The following XRCC4 variants were observed in gnomAD, a reference collection of about 807,000 sequenced individuals.
The protein encoded by XRCC4 is DNA repair protein XRCC4.
In XRCC4, 28 loss-of-function variants were observed where a neutral mutation model predicts 39.1. The ratio of observed to expected loss-of-function variants is 0.72; its 90% CI spans 0.53 to 0.98. The LOEUF is 0.98. Among genes scored for constraint, XRCC4 ranks in the 50% least tolerant of loss-of-function variants. The pLI is 0.00. For missense variants in XRCC4, 350 were observed against 376.4 expected, an observed-to-expected ratio of 0.93 and a Z score of 0.58; for synonymous variants, 123 against 126.4, an observed-to-expected ratio of 0.97 and a Z score of 0.18.
chr5:83,171,380 A>C (rs531389683), intron 3 of XRCC4, among the ~76,000 whole-genome samples: 44 of 152,230 alleles, frequency 2.9e-4, no homozygotes, highest in African/African-American at 1.1e-3. Context: ...TGTTGTCCTT[A>C]TCAGAGGACA....
At chr5:83,171,899 T>C (rs920528562) in intron 3 of XRCC4, among the ~76,000 whole-genome samples, 5 of 152,206 alleles carry the variant, frequency 3.3e-5, no homozygotes, top group Non-Finnish European at 7.4e-5. Flanking sequence ...ATACTATTGA[T>C]TTGAATAGTA....
At chr5:83,158,276 T>G (rs1248519283) in intron 3 of XRCC4, among the ~76,000 whole-genome samples, 2 of 152,106 alleles carry the variant, frequency 1.3e-5, no homozygotes, top group African/African-American at 4.8e-5. Flanking sequence ...CTAATAGTTA[T>G]TTTTCCATTT....
chr5:83,331,706 A>T lies in XRCC4; in HGVS notation c.894-21425A>T, dbSNP rs796418825. Among the ~76,000 whole-genome samples, 3 of 152,114 alleles carry T rather than the reference A, an allele frequency of 2.0e-5. No individual in the cohort carries two copies. The South Asian group carries it at 6.2e-4, about 32-fold the overall frequency. ...AAGTTGTGTGGTCACTAAACATTTT[A>T]TTTCCTGTTGAAATAAAATTCTTTG... is the stretch of plus-strand genomic sequence containing the variant. On this transcript the variant is annotated intron_variant, in intron 7 of 7. Transcript: ENST00000396027.
At chr5:83,364,375 T>G in the XRCC4 span, among the ~76,000 whole-genome samples, 8 of 152,110 alleles carry the variant, frequency 5.3e-5, no homozygotes, top group African/African-American at 1.9e-4. Flanking sequence ...GAAAAATGAA[T>G]GAGGAGATAC....
chr5:83,338,977 G>A (rs1756673524), intron 7 of XRCC4, among the ~76,000 whole-genome samples: 1 of 151,940 alleles, frequency 6.6e-6, no homozygotes, highest in Non-Finnish European at 1.5e-5. Context: ...GACTTTTCCA[G>A]GGCAAAAAAA....
the XRCC4 span, among the ~76,000 whole-genome samples, chr5:83,371,171 A>G: frequency 6.6e-6 from 1 of 152,068 alleles, no homozygotes; most frequent in African/African-American, 2.4e-5. Flanking sequence ...AGCTCCCTTC[A>G]TCCTCTGGCT....
At chr5:83,253,052 G>A (rs1479098539) in intron 6 of XRCC4, among the ~76,000 whole-genome samples, 1 of 152,168 alleles carries the variant, frequency 6.6e-6, no homozygotes, top group Non-Finnish European at 1.5e-5. Flanking sequence ...AAAGATTTCT[G>A]TGGATTGGGA....
intron 1 of XRCC4, among the ~76,000 whole-genome samples, chr5:83,080,929 A>G (rs1580188568): frequency 1.3e-5 from 2 of 152,228 alleles, no homozygotes; most frequent in South Asian, 4.1e-4. Flanking sequence ...TATCTGTAAA[A>G]TTGTGAATAA....
chr5:83,371,861 A>C, the XRCC4 span, among the ~76,000 whole-genome samples: 1 of 152,218 alleles, frequency 6.6e-6, no homozygotes, highest in Admixed American at 6.5e-5. Context: ...CACACACAAA[A>C]AAGGAAAACA....
At chr5:83,330,686 T>C (rs540219267) in intron 7 of XRCC4, among the ~76,000 whole-genome samples, 2 of 152,024 alleles carry the variant, frequency 1.3e-5, no homozygotes, top group South Asian at 4.1e-4. Context: ...TATACTATTA[T>C]GCCCTATAAC....
intron 3 of XRCC4, among the ~76,000 whole-genome samples, chr5:83,123,703 T>A (rs1216126929): frequency 2.6e-5 from 4 of 152,088 alleles, no homozygotes; most frequent in Non-Finnish European, 5.9e-5. Flanking sequence ...TTTATGCTAT[T>A]TTTATGTTTG....
At chr5:83,224,753 T>C (rs1466293000) in intron 6 of XRCC4, among the ~76,000 whole-genome samples, 1 of 152,196 alleles carries the variant, frequency 6.6e-6, no homozygotes, top group Admixed American at 6.5e-5. Flanking sequence ...CTCTTCATTG[T>C]TGAATTCCTC....
chr5:83,165,888 T>C (rs952370842), intron 3 of XRCC4, among the ~76,000 whole-genome samples: 1 of 29,152 alleles, frequency 3.4e-5, no homozygotes, highest in Non-Finnish European at 8.2e-5. Context: ...TTTTTCTTTC[T>C]TTTTTTTTTT....
chr5:83,149,191 T>C (rs2112546898), intron 3 of XRCC4, among the ~76,000 whole-genome samples: 1 of 152,334 alleles, frequency 6.6e-6, no homozygotes, highest in African/African-American at 2.4e-5. Flanking sequence ...CTGATGATTC[T>C]TTTTGTTGGA....
At chr5:83,193,709 T>G (rs1750812195) in intron 3 of XRCC4, among the ~76,000 whole-genome samples, 1 of 152,028 alleles carries the variant, frequency 6.6e-6, no homozygotes, top group African/African-American at 2.4e-5. Context: ...ATTTTGAAAC[T>G]TTTCAAATGT....
intron 7 of XRCC4, among the ~76,000 whole-genome samples, chr5:83,342,838 G>A (rs1369663111): frequency 2.0e-5 from 3 of 152,012 alleles, no homozygotes; most frequent in African/African-American, 7.2e-5. Context: ...AAATACAGTG[G>A]TAACTTTGGT....
At chr5:83,125,560 T>A (rs1257445317) in intron 3 of XRCC4, among the ~76,000 whole-genome samples, 2 of 152,218 alleles carry the variant, frequency 1.3e-5, no homozygotes, top group African/African-American at 4.8e-5. Context: ...TGCTTTTGCA[T>A]CTTCGTTAAA....
intron 7 of XRCC4, among the ~76,000 whole-genome samples, chr5:83,288,734 A>G (rs1028117928): frequency 1.3e-5 from 2 of 151,744 alleles, no homozygotes; most frequent in Non-Finnish European, 2.9e-5. Flanking sequence ...GGTTTTCTGT[A>G]GTTTTTAATA....
At chr5:83,146,393 A>G (rs1258114299) in intron 3 of XRCC4, among the ~76,000 whole-genome samples, 2 of 152,200 alleles carry the variant, frequency 1.3e-5, no homozygotes, top group African/African-American at 4.8e-5. Flanking sequence ...GACAGTTTGT[A>G]TGATCTCATA....
Sources: allele counts gnomAD v4.1 joint callset (sites outside exome capture counted in the v4.1 genomes callset), GRCh38; gene constraint gnomAD v4.1.1; transcripts MANE v1.5; gene names NCBI Gene and HGNC (gene_info 2026-07-23, HGNC 2026-07-21).